Variants in LTBP1 observed in about 807,000 individuals in gnomAD.
The protein encoded by LTBP1 is latent transforming growth factor beta binding protein 1, also known as latent-transforming growth factor beta-binding protein 1.
A neutral mutation model predicts 207.6 loss-of-function variants in LTBP1; 129 were observed. That is an observed-to-expected ratio of 0.62 (90% confidence interval 0.54 to 0.72). The LOEUF (loss-of-function observed/expected upper bound fraction) is 0.72. LTBP1 is among the 30% of genes least tolerant of loss of function. The pLI, the probability that LTBP1 is intolerant of heterozygous loss-of-function variation, is 0.00. For synonymous variants in LTBP1, 963 were observed against 833.7 expected (o/e 1.16, Z -2.67); for missense variants, 2,281 against 2,217.2 (o/e 1.03, Z -0.58).
In LTBP1 at chr2:32,947,729, C is replaced by A. The variant is rs906490453; in HGVS notation, c.405C>A (p.Gly135=). Reference sequence around the variant, plus strand: ...CAGCCGCCCCGTTCACCAAACAAGGCAGGCAAGTTGTGCGCTCCAAGGTGC... The same window carrying A: ...CAGCCGCCCCGTTCACCAAACAAGGAAGGCAAGTTGTGCGCTCCAAGGTGC... The part of the protein sequence containing the change: ...HPAAAPFTKQ[G]RQVVRSKVPQ... The change falls in exon 1 of 34, where the codon GGC becomes GGA. Residue 135 remains glycine (G), a synonymous_variant. Transcript: ENST00000404816. The A allele has an allele frequency of 2.0e-6, 3 of 1,537,378 alleles. No homozygotes were observed. In the African/African-American group the frequency reaches 4.3e-5, roughly 22 times the overall value.
At chr2:33,277,976 A>C (rs1457955080) in intron 18 of LTBP1, among the ~76,000 whole-genome samples, 1 of 149,510 alleles carries the variant, frequency 6.7e-6, no homozygotes, top group Non-Finnish European at 1.5e-5. Flanking sequence ...ACTACAGGTG[A>C]CCGCCACCAT....
chr2:33,297,872 C>T (rs1220216597), intron 20 of LTBP1, among the ~76,000 whole-genome samples: 1 of 152,146 alleles, frequency 6.6e-6, no homozygotes, highest in Non-Finnish European at 1.5e-5. Context: ...GTCTAGTCTC[C>T]CCAATGAATC....
intron 4 of LTBP1, among the ~76,000 whole-genome samples, chr2:33,124,998 T>A (rs1469612436): frequency 6.6e-6 from 1 of 152,156 alleles, no homozygotes; most frequent in Non-Finnish European, 1.5e-5. Context: ...TCTGTAGGAG[T>A]GTTGTGAGAA....
At chr2:33,075,154 G>T (rs538697575) in intron 3 of LTBP1, among the ~76,000 whole-genome samples, 1 of 152,188 alleles carries the variant, frequency 6.6e-6, no homozygotes, top group African/African-American at 2.4e-5. Context: ...GCCAACTGCT[G>T]AGCATCTCTA....
At chr2:33,037,368 G>C (rs2075976144) in intron 3 of LTBP1, among the ~76,000 whole-genome samples, 1 of 152,142 alleles carries the variant, frequency 6.6e-6, no homozygotes, top group South Asian at 2.1e-4. Context: ...CTCTTGTGCT[G>C]GGTTCTGGCT....
intron 7 of LTBP1, among the ~76,000 whole-genome samples, chr2:33,202,199 T>C (rs1264188078): frequency 2.6e-5 from 4 of 152,046 alleles, no homozygotes; most frequent in Non-Finnish European, 1.5e-5. Flanking sequence ...CTGAAATTAC[T>C]TTTTTTTAAA....
intron 32 of LTBP1, among the ~76,000 whole-genome samples, chr2:33,396,690 C>T (rs561403072): frequency 6.6e-6 from 1 of 152,164 alleles, no homozygotes; most frequent in South Asian, 2.1e-4. Context: ...TTACAAACGC[C>T]GGCTGAAAAC....
At chr2:33,101,707 C>A (rs1048016340) in intron 3 of LTBP1, among the ~76,000 whole-genome samples, 1 of 151,934 alleles carries the variant, frequency 6.6e-6, no homozygotes, top group African/African-American at 2.4e-5. Context: ...TTTCTCTGGC[C>A]CTTGTTAGTT....
At chr2:33,376,435 C>T (rs2095140521) in intron 31 of LTBP1, among the ~76,000 whole-genome samples, 1 of 152,138 alleles carries the variant, frequency 6.6e-6, no homozygotes. Context: ...GTTAGGCCAG[C>T]TGAGGTTAGT....
At chr2:33,382,320 C>T (rs2095225674) in intron 31 of LTBP1, among the ~76,000 whole-genome samples, 1 of 151,980 alleles carries the variant, frequency 6.6e-6, no homozygotes, top group Non-Finnish European at 1.5e-5. Context: ...CTCTCGAACT[C>T]CTGACTGTAG....
rs575161422 is a variant in LTBP1 at position 33,039,496 on chromosome 2, C to G, written c.863+18290C>G. Among the ~76,000 whole-genome samples the G allele has an allele frequency of 2.8e-3, 420 of 152,346 alleles. 2 individuals carry two copies. Among genetic ancestry groups the G allele is most frequent in the Non-Finnish European group, 4.9e-3 (332 of 68,022 alleles). ...ATCATCTTTAATTCTGCTTTAGACTCATCCCTTGCAGTGGCCACCTGTAAC... is the reference window on the plus strand; with the variant it reads ...ATCATCTTTAATTCTGCTTTAGACTGATCCCTTGCAGTGGCCACCTGTAAC... On this transcript the variant is annotated intron_variant, in intron 3 of 33. Transcript: ENST00000404816.
chr2:33,086,255 G>C (rs1418234200), intron 3 of LTBP1, among the ~76,000 whole-genome samples: 1 of 152,192 alleles, frequency 6.6e-6, no homozygotes, highest in Non-Finnish European at 1.5e-5. Context: ...GGAGGTACCA[G>C]GTAAGTTCAA....
intron 5 of LTBP1, among the ~76,000 whole-genome samples, chr2:33,161,511 C>T (rs2084467566): frequency 6.6e-6 from 1 of 152,208 alleles, no homozygotes; most frequent in African/African-American, 2.4e-5. Flanking sequence ...TCGTGATCCA[C>T]CTGCCTCAGC....
Position 33,028,415 on chromosome 2 carries a change from A to T in LTBP1, c.863+7209A>T, listed in dbSNP as rs185634737. Reference sequence around the variant, plus strand: ...CCTAGCGTGGTGGCTCACACCTGTAATCCCTGCACTTTGGGAGGCTGAGGT... The same window carrying T: ...CCTAGCGTGGTGGCTCACACCTGTATTCCCTGCACTTTGGGAGGCTGAGGT... On this transcript the variant is annotated intron_variant, in intron 3 of 33. Coordinates refer to ENST00000404816, the MANE Select transcript of LTBP1 (RefSeq NM_206943.4). 1.4e-3 allele frequency among the ~76,000 whole-genome samples: 211 copies of T among 152,258 alleles called. 2 individuals carry two copies. Among genetic ancestry groups the T allele is most frequent in the African/African-American group, 4.9e-3 (203 of 41,560 alleles).
intron 3 of LTBP1, among the ~76,000 whole-genome samples, chr2:33,102,836 C>T (rs1041676499): frequency 2.0e-5 from 3 of 152,088 alleles, no homozygotes; most frequent in Admixed American, 6.5e-5. Flanking sequence ...TGTCTGTATG[C>T]AGTCTGTATG....
rs954012522 is a variant in LTBP1 at position 33,241,795 on chromosome 2, G to A, written c.1877-1867G>A. Among the ~76,000 whole-genome samples the A allele has an allele frequency of 3.9e-5, 6 of 152,182 alleles. No individual in the cohort carries two copies. The East Asian group carries it at 5.8e-4, about 15-fold the overall frequency. ...CATATAATAGGGCTTCACTTGTACC[G>A]TGTAAGCTCCAACTGGACTTGGCAC... On this transcript the variant is annotated intron_variant, in intron 9 of 33. Coordinates refer to ENST00000404816, the MANE Select transcript of LTBP1 (RefSeq NM_206943.4).
Position 33,097,184 on chromosome 2 carries a change from G to A in LTBP1, c.864-13398G>A, listed in dbSNP as rs182477631. On this transcript the variant is annotated intron_variant, in intron 3 of 33. Coordinates refer to ENST00000404816, the MANE Select transcript of LTBP1 (RefSeq NM_206943.4). ...ATTATTCTGCTTTAATGTATCCACC[G>A]TGGTCTCTAAACTTTTAAATTGTGT... is the stretch of plus-strand genomic sequence containing the variant. 3.3e-3 allele frequency among the ~76,000 whole-genome samples: 506 copies of A among 152,206 alleles called. 4 individuals are homozygous for A. Among genetic ancestry groups the A allele is most frequent in the African/African-American group, 0.011 (466 of 41,530 alleles).
chr2:33,066,167 G>C (rs1163290252), intron 3 of LTBP1, among the ~76,000 whole-genome samples: 1 of 152,088 alleles, frequency 6.6e-6, no homozygotes, highest in Non-Finnish European at 1.5e-5. Flanking sequence ...CTATGCAGAA[G>C]ATTTTAAATT....
At chr2:33,110,783 G>A (rs540800610) in intron 4 of LTBP1, 32 bp downstream of exon 4, 1 of 1,597,416 alleles carries the variant, frequency 6.3e-7, no homozygotes, top group Non-Finnish European at 8.6e-7. Flanking sequence ...ATTTTCCCAA[G>A]TTATGGTATC....
Sources: allele counts gnomAD v4.1 joint callset (sites outside exome capture counted in the v4.1 genomes callset), GRCh38; gene constraint gnomAD v4.1.1; transcripts MANE v1.5; gene names NCBI Gene and HGNC (gene_info 2026-07-23, HGNC 2026-07-21).